The following GPAM variants were observed in gnomAD, a reference collection of about 807,000 sequenced individuals.
The protein encoded by GPAM is glycerol-3-phosphate acyltransferase 1, mitochondrial.
Under a neutral mutation model 105.0 loss-of-function variants are expected in GPAM, and 56 were observed. The ratio of observed to expected loss-of-function variants is 0.53; its 90% CI spans 0.43 to 0.67. GPAM has a LOEUF of 0.67. GPAM is among the 30% of genes least tolerant of loss of function. The pLI is 0.00. For missense variants in GPAM, 855 were observed against 989.8 expected, an observed-to-expected ratio of 0.86 and a Z score of 1.83; for synonymous variants, 368 against 354.4, an observed-to-expected ratio of 1.04 and a Z score of -0.43.
At chr10:112,171,572 T>C (rs544024068) in intron 9 of GPAM, among the ~76,000 whole-genome samples, 1 of 152,306 alleles carries the variant, frequency 6.6e-6, no homozygotes, top group Admixed American at 6.5e-5. Context: ...TCCTTCCTAA[T>C]GCATCCCATA....
Position 112,164,494 on chromosome 10 carries a change from G to C in GPAM, c.1307+31C>G, listed in dbSNP as rs369031253. On this transcript the variant is annotated intron_variant, in intron 13 of 21. Transcript: ENST00000348367. ...AGAAATAACAGATGTTTGGTAGCTT[G>C]ATTAGCATTAAACAATTCTACAAAT... is the stretch of plus-strand genomic sequence containing the variant. 1.1e-5 allele frequency: 12 copies of C among 1,066,096 alleles called. No individual in the cohort carries two copies. In the African/African-American group the frequency reaches 1.9e-4, roughly 17 times the overall value. The allele number at this position is 1,066,096 out of a possible 1,614,324, so 66.0% of individuals were successfully genotyped here. A position where few individuals can be genotyped will look rare whatever the true frequency, so the allele number is the denominator to read the frequency against.
In GPAM at chr10:112,160,858, A is replaced by C; in HGVS notation, c.1505T>G (p.Leu502Arg). 6.2e-7 allele frequency: 1 copy of C among 1,613,694 alleles called. No individual in the cohort carries two copies. The highest frequency in any genetic ancestry group is 8.5e-7 in the Non-Finnish European group (1 of 1,179,744). The change falls in exon 16 of 22, where the codon CTC becomes CGC. Residue 502 changes from leucine to arginine, a missense_variant. Coordinates refer to ENST00000348367, the MANE Select transcript of GPAM (RefSeq NM_001244949.2). ...LLYRHRQGID[L>R]STLVEDFFVM... Reference sequence around the variant, plus strand: ...AAAGAAGTCTTCGACCAATGTGGAGAGATCAATTCCCTAAAGAAAGATGGA... The same window carrying C: ...AAAGAAGTCTTCGACCAATGTGGAGCGATCAATTCCCTAAAGAAAGATGGA...
chr10:112,160,578 T>C (rs1182153399), intron 16 of GPAM, 26 bp downstream of exon 16: 1 of 1,599,668 alleles, frequency 6.3e-7, no homozygotes. Flanking sequence ...TGAAAATTAC[T>C]GAAAATATTT....
intron 6 of GPAM, among the ~76,000 whole-genome samples, chr10:112,174,235 A>AT (rs1193283859): frequency 6.6e-6 from 1 of 152,180 alleles, no homozygotes; most frequent in Non-Finnish European, 1.5e-5. Context: ...TTAATGTGTG[A>AT]TTTTTCTTTT....
intron 1 of GPAM, among the ~76,000 whole-genome samples, chr10:112,189,776 T>C (rs2133280760): frequency 6.6e-6 from 1 of 152,284 alleles, no homozygotes; most frequent in South Asian, 2.1e-4. Flanking sequence ...TTGTTCCCAT[T>C]TGCTACGTAA....
chr10:112,158,238 G>T, intron 18 of GPAM, 78 bp downstream of exon 18: 4 of 966,642 alleles, frequency 4.1e-6, no homozygotes, highest in African/African-American at 1.6e-5. Flanking sequence ...GCCAATTATT[G>T]GTTTAAATAA....
chr10:112,185,486 T>TAA (rs1564685564), upstream of GPAM, among the ~76,000 whole-genome samples: 15 of 58,644 alleles, frequency 2.6e-4, no homozygotes, highest in East Asian at 2.6e-3. Flanking sequence ...TGAAAAATCT[T>TAA]TAAAAAAAAA....
chr10:112,151,695 T>C lies in GPAM; in HGVS notation c.*1855A>G, dbSNP rs80131380. Reference sequence around the variant, plus strand: ...GTCGACTGGGAAGCGAGTCCCAATCTTGAATAATGGTGAGCTTGAGTAATC... The same window carrying C: ...GTCGACTGGGAAGCGAGTCCCAATCCTGAATAATGGTGAGCTTGAGTAATC... On this transcript the variant is annotated 3_prime_UTR_variant, in exon 22 of 22. Transcript: ENST00000348367. 1.8e-3 allele frequency: 1,740 copies of C among 985,306 alleles called. 20 individuals are homozygous for C. In the African/African-American group the frequency reaches 0.021, roughly 12 times the overall value. 61.0% of individuals were successfully genotyped at this position (985,306 alleles called of 1,614,324 possible). A position where few individuals can be genotyped will look rare whatever the true frequency, so the allele number is the denominator to read the frequency against.
Position 112,163,711 on chromosome 10 carries a change from A to G in GPAM, c.1413T>C (p.His471=). ...TGGTATTCTACTTACTGAATAGAATATGCTCAGCCAGATTTGCAATCAACC... is the reference window on the plus strand; with the variant it reads ...TGGTATTCTACTTACTGAATAGAATGTGCTCAGCCAGATTTGCAATCAACC... The part of the protein sequence containing the change: ...RRRLIANLAE[H]ILFTASKSCA... The change falls in exon 14 of 22, where the codon CAT becomes CAC. Residue 471 remains histidine, a synonymous_variant. Coordinates refer to ENST00000348367, the MANE Select transcript of GPAM (RefSeq NM_001244949.2). The G allele has an allele frequency of 2.0e-6, 3 of 1,474,574 alleles. No individual in the cohort carries two copies. The highest frequency in any genetic ancestry group is 2.9e-6 in the Non-Finnish European group (3 of 1,052,586). 91.3% of individuals were successfully genotyped at this position (1,474,574 alleles called of 1,614,324 possible). A position where few individuals can be genotyped will look rare whatever the true frequency, so the allele number is the denominator to read the frequency against.
Position 112,153,155 on chromosome 10 carries a change from C to T in GPAM, c.*395G>A. 1 of 1,028,638 alleles carries T rather than the reference C, an allele frequency of 9.7e-7. No individual in the cohort carries two copies. The highest frequency in any genetic ancestry group is 8.2e-5 in the East Asian group (1 of 12,128). The allele number at this position is 1,028,638 out of a possible 1,614,324, so 63.7% of individuals were successfully genotyped here. A position where few individuals can be genotyped will look rare whatever the true frequency, so the allele number is the denominator to read the frequency against. ...ACCAGATAATATACCAACAAATTAC[C>T]CAGCAGCACTAAGTATACCATGTAA... is the stretch of plus-strand genomic sequence containing the variant. On this transcript the variant is annotated 3_prime_UTR_variant, in exon 22 of 22. Transcript: ENST00000348367.
intron 1 of GPAM, among the ~76,000 whole-genome samples, chr10:112,195,068 T>C (rs1322883720): frequency 6.6e-6 from 1 of 152,138 alleles, no homozygotes; most frequent in Non-Finnish European, 1.5e-5. Context: ...ACTTCTGCAC[T>C]GGCTACCCAT....
intron 1 of GPAM, among the ~76,000 whole-genome samples, chr10:112,202,460 G>A (rs964374395): frequency 3.3e-5 from 5 of 152,120 alleles, no homozygotes; most frequent in African/African-American, 1.2e-4. Flanking sequence ...TAAGACAGCA[G>A]GTAGATAACT....
At chr10:112,165,103 T>C (rs1847190182) in intron 12 of GPAM, among the ~76,000 whole-genome samples, 1 of 152,110 alleles carries the variant, frequency 6.6e-6, no homozygotes. Flanking sequence ...GATCAAAGCA[T>C]TTAAGGTTAG....
At chr10:112,196,383 T>C (rs1286121768) in intron 1 of GPAM, among the ~76,000 whole-genome samples, 1 of 152,216 alleles carries the variant, frequency 6.6e-6, no homozygotes, top group Non-Finnish European at 1.5e-5. Flanking sequence ...CTAAAGAAAT[T>C]TAGAATTTTT....
In GPAM at chr10:112,152,722, G is replaced by C. The variant is rs1846942248; in HGVS notation, c.*828C>G. The C allele has an allele frequency of 1.0e-6, 1 of 981,670 alleles. No individual in the cohort carries two copies. Among genetic ancestry groups the C allele is most frequent in the African/African-American group, 1.8e-5 (1 of 57,142 alleles). 60.8% of individuals were successfully genotyped at this position (981,670 alleles called of 1,614,324 possible). On this transcript the variant is annotated 3_prime_UTR_variant, in exon 22 of 22. Coordinates refer to ENST00000348367, the MANE Select transcript of GPAM (RefSeq NM_001244949.2). ...AGGTATTACCTGAGGGGTGGACGAG[G>C]TACAGACATAAAACAGGAAGGGTTC...
At chr10:112,169,615 G>C (rs1344484549) in intron 9 of GPAM, among the ~76,000 whole-genome samples, 1 of 152,052 alleles carries the variant, frequency 6.6e-6, no homozygotes, top group African/African-American at 2.4e-5. Flanking sequence ...CAAACTCACA[G>C]CCTCCTATTC....
In GPAM at chr10:112,151,906, ACAATGACTT is replaced by A; in HGVS notation, c.*1635_*1643del. The stretch of plus-strand genomic sequence containing the variant: ...TTCAACATCAGAGCTACTACAACTG[ACAATGACTT>A]CATGGTATACATCAATTCCTATAAA... On this transcript the variant is annotated 3_prime_UTR_variant, in exon 22 of 22. Coordinates refer to ENST00000348367, the MANE Select transcript of GPAM (RefSeq NM_001244949.2). The A allele has an allele frequency of 1.0e-6, 1 of 978,532 alleles. No individual in the cohort carries two copies. The highest frequency in any genetic ancestry group is 1.2e-6 in the Non-Finnish European group (1 of 823,650). 60.6% of individuals were successfully genotyped at this position (978,532 alleles called of 1,614,324 possible). A position where few individuals can be genotyped will look rare whatever the true frequency, so the allele number is the denominator to read the frequency against.
the GPAM span, among the ~76,000 whole-genome samples, chr10:112,227,616 G>T: frequency 6.6e-6 from 1 of 152,216 alleles, no homozygotes. Flanking sequence ...GGCCAAGACA[G>T]GCGAAAGAGG....
In GPAM at chr10:112,160,747, A is replaced by T. The variant is rs1385243559; in HGVS notation, c.1616T>A (p.Leu539Gln). 2 of 1,614,046 alleles carry T rather than the reference A, an allele frequency of 1.2e-6. No homozygotes were observed. Among genetic ancestry groups the T allele is most frequent in the Non-Finnish European group, 1.7e-6 (2 of 1,180,024 alleles). ...GGTGATTGTGACACAATTTCCCAGC[A>T]GCTGTATGGCATGCATTACTACATC... ...SEDVVMHAIQLLGNCVTITHT... is the reference protein window; with the variant it reads ...SEDVVMHAIQQLGNCVTITHT... The change falls in exon 16 of 22, where the codon CTG becomes CAG. Residue 539 changes from leucine (L) to glutamine (Q), a missense_variant. By Grantham distance (113) the Leu-to-Gln change is moderately radical. Transcript: ENST00000348367.
Sources: gnomAD v4.1 joint callset for allele counts (sites outside exome capture counted in the v4.1 genomes callset) on GRCh38, gnomAD v4.1.1 for gene constraint, MANE v1.5 for transcripts, NCBI Gene and HGNC (gene_info 2026-07-23, HGNC 2026-07-21) for gene names.